The following SGSM1 variants were observed in gnomAD, a reference collection of about 807,000 sequenced individuals.
SGSM1 encodes small G protein signaling modulator 1.
A neutral mutation model predicts 133.8 loss-of-function variants in SGSM1; 73 were observed. The ratio of observed to expected loss-of-function variants is 0.55; its 90% confidence interval spans 0.45 to 0.66. The LOEUF (loss-of-function observed/expected upper bound fraction) is 0.66, where lower values mean the gene tolerates loss of function less well. Ranked by LOEUF, SGSM1 falls within the 30% of genes least tolerant of loss-of-function variation. The probability of loss-of-function intolerance (pLI) is 0.00; values close to 1 mark genes in which losing one functional copy is unlikely to be tolerated. For synonymous variants in SGSM1, 563 were observed against 573.0 expected, an observed-to-expected ratio of 0.98 and a Z score of 0.25; for missense variants, 1,213 against 1,448.1, an observed-to-expected ratio of 0.84 and a Z score of 2.64.
At chr22:24,916,430 C>G (rs1440398779) in intron 22 of SGSM1, among the ~76,000 whole-genome samples, 1 of 152,168 alleles carries the variant, frequency 6.6e-6, no homozygotes, top group African/African-American at 2.4e-5. Context: ...CGGTGGCTCA[C>G]TCCTGTAATC....
chr22:24,850,228 G>C (rs989779906), intron 4 of SGSM1, 52 bp from the exon 5 acceptor site: 1 of 1,528,738 alleles, frequency 6.5e-7, no homozygotes, highest in Non-Finnish European at 8.9e-7. Context: ...AATTAGTCCT[G>C]TGTAGATTTG....
chr22:24,906,783 TA>T (rs796798298), intron 21 of SGSM1, among the ~76,000 whole-genome samples: 52 of 148,126 alleles, frequency 3.5e-4, no homozygotes, highest in Non-Finnish European at 6.1e-4. Context: ...AAATAAAACA[TA>T]AAAAAAAGTA....
intron 14 of SGSM1, among the ~76,000 whole-genome samples, chr22:24,882,337 AG>A (rs745918570): frequency 2.6e-5 from 4 of 152,022 alleles, no homozygotes. Flanking sequence ...CCCAAAGTGC[AG>A]GGACTACAGG....
chr22:24,844,858 C>T (rs1490896820), intron 2 of SGSM1, 39 bp from the exon 3 acceptor site: 12 of 1,609,372 alleles, frequency 7.5e-6, no homozygotes, highest in Non-Finnish European at 1.0e-5. Flanking sequence ...ACCTTGGTCA[C>T]CTTGGACCTC....
intron 15 of SGSM1, among the ~76,000 whole-genome samples, chr22:24,884,588 C>A (rs1932503199): frequency 1.3e-5 from 2 of 152,222 alleles, no homozygotes; most frequent in Non-Finnish European, 2.9e-5. Flanking sequence ...GAAACCCCAT[C>A]TCTACTAAAA....
intron 16 of SGSM1, among the ~76,000 whole-genome samples, chr22:24,888,241 G>C (rs1333711602): frequency 6.6e-6 from 1 of 151,992 alleles, no homozygotes; most frequent in Non-Finnish European, 1.5e-5. Flanking sequence ...TTGTGCTTTT[G>C]GTGTCAAGTC....
At chr22:24,850,828 T>C (rs1479327920) in intron 5 of SGSM1, among the ~76,000 whole-genome samples, 7 of 152,304 alleles carry the variant, frequency 4.6e-5, no homozygotes, top group Admixed American at 2.0e-4. Flanking sequence ...CTGGGCGCAA[T>C]GGCTCACGCC....
chr22:24,848,573 T>A (rs1226063380), intron 4 of SGSM1, among the ~76,000 whole-genome samples: 2 of 151,952 alleles, frequency 1.3e-5, no homozygotes, highest in Non-Finnish European at 2.9e-5. Context: ...CCCTGGGAGG[T>A]CCTGTCTGCA....
chr22:24,841,132 G>T (rs1428036725), intron 2 of SGSM1, among the ~76,000 whole-genome samples: 3 of 152,244 alleles, frequency 2.0e-5, no homozygotes, highest in Admixed American at 6.5e-5. Context: ...TTACAGGCGT[G>T]AGCCACCGTG....
chr22:24,806,721 T>C (rs139619), intron 2 of SGSM1, among the ~76,000 whole-genome samples: 151,850 of 151,868 alleles, frequency 1, 75,916 homozygotes, highest in Middle Eastern at 1. Flanking sequence ...GGGGCGGATG[T>C]AGCGTGAGGG....
intron 9 of SGSM1, among the ~76,000 whole-genome samples, chr22:24,860,275 C>T (rs913565515): frequency 3.3e-5 from 5 of 152,124 alleles, no homozygotes; most frequent in South Asian, 2.1e-4. Flanking sequence ...CAAAGGCTTT[C>T]GAGTCACACT....
chr22:24,824,811 T>C (rs544001673), intron 2 of SGSM1, among the ~76,000 whole-genome samples: 2 of 152,334 alleles, frequency 1.3e-5, no homozygotes, highest in African/African-American at 4.8e-5. Context: ...TTCTTTGTTA[T>C]TCACCTAGAA....
In SGSM1 at chr22:24,870,213, G is replaced by A. The variant is rs1569156483; in HGVS notation, c.1291+1358G>A. Among the ~76,000 whole-genome samples the A allele has an allele frequency of 3.9e-5, 6 of 152,180 alleles. No homozygotes were observed. The South Asian group carries it at 1.2e-3, about 32-fold the overall frequency. On this transcript the variant is annotated intron_variant, in intron 12 of 24. Coordinates refer to ENST00000400358, the MANE Select transcript of SGSM1 (RefSeq NM_001098497.3). ...TCCCAGCCACTCCATGGAACCAGGC[G>A]CCCACTATCCTGGCTGGACACCAAG...
At chr22:24,904,158 C>A (rs1436602738) in intron 20 of SGSM1, among the ~76,000 whole-genome samples, 2 of 152,054 alleles carry the variant, frequency 1.3e-5, no homozygotes, top group African/African-American at 2.4e-5. Flanking sequence ...GTCCCCTCAT[C>A]TGTGAAATGG....
chr22:24,807,684 G>A lies in SGSM1; in HGVS notation c.63+1200G>A, dbSNP rs568557737. 2.8e-4 allele frequency among the ~76,000 whole-genome samples: 43 copies of A among 152,284 alleles called. 1 individual carries two copies. The highest frequency in any genetic ancestry group is 2.7e-3 in the Admixed American group (41 of 15,298). ...GCAGCAGACATCGTGGGCTGGCCTG[G>A]TTTCTGGGCCTGGCTTTCAGTGTGT... On this transcript the variant is annotated intron_variant, in intron 2 of 24. Transcript: ENST00000400358.
At chr22:24,822,351 C>A (rs1385063705) in intron 2 of SGSM1, among the ~76,000 whole-genome samples, 5 of 152,268 alleles carry the variant, frequency 3.3e-5, no homozygotes, top group Admixed American at 3.3e-4. Flanking sequence ...CTCGGCCTCC[C>A]AAAGTTCTGG....
intron 8 of SGSM1, among the ~76,000 whole-genome samples, chr22:24,856,831 C>T (rs562835258): frequency 4.0e-4 from 60 of 149,276 alleles, no homozygotes; most frequent in African/African-American, 1.3e-3. Context: ...TGCAGGGGTG[C>T]GATTTCAGCT....
In SGSM1 at chr22:24,924,584, G is replaced by A. The variant is rs567537168; in HGVS notation, c.*310G>A. 2 of 407,574 alleles carry A rather than the reference G, an allele frequency of 4.9e-6. No homozygotes were observed. Among genetic ancestry groups the A allele is most frequent in the Non-Finnish European group, 9.1e-6 (2 of 220,140 alleles). The allele number at this position is 407,574 out of a possible 1,614,324, so 25.2% of individuals were successfully genotyped here. The stretch of plus-strand genomic sequence containing the variant: ...TCTTTGTTTGCTGGTGCCCGGAATG[G>A]TCTCCTCTTCTTCTTTCCCTATCCC... On this transcript the variant is annotated 3_prime_UTR_variant, in exon 25 of 25. Coordinates refer to ENST00000400358, the MANE Select transcript of SGSM1 (RefSeq NM_001098497.3).
chr22:24,865,893 G>A (rs1219916360), intron 9 of SGSM1, among the ~76,000 whole-genome samples: 2 of 151,606 alleles, frequency 1.3e-5, no homozygotes, highest in South Asian at 2.1e-4. Flanking sequence ...TCCTTGTCTT[G>A]CAGGAATGGG....
Sources: gnomAD v4.1 joint callset for allele counts (sites outside exome capture counted in the v4.1 genomes callset) on GRCh38, gnomAD v4.1.1 for gene constraint, MANE v1.5 for transcripts, NCBI Gene and HGNC (gene_info 2026-07-23, HGNC 2026-07-21) for gene names.